The following UNC79 variants were observed in gnomAD, a reference collection of about 807,000 sequenced individuals.
UNC79 encodes the protein protein unc-79 homolog.
A neutral mutation model predicts 283.1 loss-of-function variants in UNC79; 37 were observed. That is an observed-to-expected ratio of 0.13 (90% CI 0.10 to 0.17). The LOEUF is 0.17. UNC79 is among the 10% of genes least tolerant of loss of function. UNC79 has a pLI of 1.00. For synonymous variants in UNC79, 1,107 were observed against 1,200.2 expected (o/e 0.92, Z 1.61); for missense variants, 2,272 against 3,211.1 (o/e 0.71, Z 7.07).
intron 9 of UNC79, 140 bp downstream of exon 9, chr14:93,528,786 T>A: frequency 1.3e-6 from 1 of 784,268 alleles, no homozygotes; most frequent in Non-Finnish European, 2.0e-6. Context: ...TTCTGATACT[T>A]AACATATAGC....
chr14:93,692,063 G>A (rs1288922791), intron 46 of UNC79, 117 bp downstream of exon 49: 7 of 1,208,388 alleles, frequency 5.8e-6, no homozygotes, highest in East Asian at 4.8e-5. Flanking sequence ...TAAATGGATC[G>A]GGGATATGTT....
chr14:93,358,355 A>T (rs1192049423), intron 1 of UNC79, among the ~76,000 whole-genome samples: 1 of 152,190 alleles, frequency 6.6e-6, no homozygotes, highest in East Asian at 1.9e-4. Flanking sequence ...GATGAAAGAA[A>T]ATGATGAACT....
At chr14:93,479,455 G>A (rs771959536) in intron 4 of UNC79, among the ~76,000 whole-genome samples, 7 of 151,836 alleles carry the variant, frequency 4.6e-5, no homozygotes, top group African/African-American at 1.5e-4. Flanking sequence ...CAGCCACCAC[G>A]CCCAGCTAAT....
At chr14:93,657,731 TGCCAGCTGTAAACAAGTGGC>T (rs2071110722) in intron 38 of UNC79, among the ~76,000 whole-genome samples, 1 of 152,160 alleles carries the variant, frequency 6.6e-6, no homozygotes. Flanking sequence ...TGGCAAGTGT[TGCCAGCTGTAAACAAGTGGC>T]GTGCCTAATT....
exon 12 of UNC79, chr14:93,538,189 G>T: frequency 1.9e-6 from 3 of 1,606,752 alleles, no homozygotes; most frequent in East Asian, 2.2e-5. Context: ...GCGCTGAGGA[G>T]CTGGTCTGCG....
intron 2 of UNC79, among the ~76,000 whole-genome samples, chr14:93,468,757 T>C (rs998694459): frequency 6.6e-6 from 1 of 152,242 alleles, no homozygotes; most frequent in Admixed American, 6.5e-5. Flanking sequence ...TCTGTTCTTA[T>C]TTTTTGAAAT....
intron 1 of UNC79, among the ~76,000 whole-genome samples, chr14:93,463,348 A>T (rs1012855450): frequency 1.3e-5 from 2 of 152,126 alleles, no homozygotes; most frequent in Non-Finnish European, 2.9e-5. Flanking sequence ...AGTGAGTGGA[A>T]GGAGGAATAG....
chr14:93,506,217 G>A (rs2059531568), intron 7 of UNC79, among the ~76,000 whole-genome samples: 1 of 150,132 alleles, frequency 6.7e-6, no homozygotes, highest in African/African-American at 2.5e-5. Context: ...TTTTCTCATT[G>A]TATACAATTT....
chr14:93,522,446 A>G (rs1461487905), intron 7 of UNC79, among the ~76,000 whole-genome samples: 1 of 152,082 alleles, frequency 6.6e-6, no homozygotes, highest in Non-Finnish European at 1.5e-5. Flanking sequence ...GTAATGGATT[A>G]GTGATGTCTG....
At chr14:93,426,723 TATA>T (rs539673500), upstream of UNC79, among the ~76,000 whole-genome samples, 719 of 152,166 alleles carry the variant, frequency 4.7e-3, 2 homozygotes, top group Middle Eastern at 0.01. Flanking sequence ...TTTTTAAAAA[TATA>T]GTCTCAATTT....
intron 1 of UNC79, among the ~76,000 whole-genome samples, chr14:93,393,218 C>G (rs1055406801): frequency 1.3e-5 from 2 of 152,186 alleles, no homozygotes; most frequent in African/African-American, 4.8e-5. Context: ...CTAATTGCTG[C>G]TCAAAGATCC....
intron 1 of UNC79, among the ~76,000 whole-genome samples, chr14:93,466,183 A>G (rs2057171083): frequency 6.6e-6 from 1 of 152,214 alleles, no homozygotes; most frequent in African/African-American, 2.4e-5. Flanking sequence ...ATTATCTGCA[A>G]TCTAGACTTA....
rs1162061134 is a variant in UNC79 at position 93,540,813 on chromosome 14, A to G, written c.1506A>G (p.Gln502=). 5 of 1,613,022 alleles carry G rather than the reference A, an allele frequency of 3.1e-6. No individual in the cohort carries two copies. The South Asian group carries it at 4.4e-5, about 14-fold the overall frequency. The change falls in exon 13 of 49, where the codon CAA becomes CAG. Residue 502 remains glutamine (Q), a synonymous_variant. Coordinates refer to ENST00000555664, the Ensembl canonical transcript of UNC79. Reference sequence around the variant, plus strand: ...AACACGATCAGAGGCTGCTCAGTCAATTCGGAATATGGTTCTTAGTAAGAA... The same window carrying G: ...AACACGATCAGAGGCTGCTCAGTCAGTTCGGAATATGGTTCTTAGTAAGAA...
At chr14:93,581,785 C>T (rs1319042727) in intron 19 of UNC79, among the ~76,000 whole-genome samples, 2 of 152,126 alleles carry the variant, frequency 1.3e-5, no homozygotes, top group Admixed American at 1.3e-4. Context: ...AGCCACCATG[C>T]CCGGCCATTT....
exon 19 of UNC79, chr14:93,580,272 G>C: frequency 6.2e-7 from 1 of 1,614,162 alleles, no homozygotes; most frequent in Non-Finnish European, 8.5e-7. Flanking sequence ...CCAGAAGGAC[G>C]AAAAAGCAAT....
At position 93,629,584 on chromosome 14, in the gene UNC79, A is replaced by T. The variant is rs138244188; in HGVS notation, c.5609-1217A>T. On this transcript the variant is annotated intron_variant, in intron 30 of 48. Transcript: ENST00000555664. The stretch of plus-strand genomic sequence containing the variant: ...CCTACTTGAAAGGCCTCTGAGAATC[A>T]AAAATAGATGCTTCGAAATCAGTGC... 9.8e-5 allele frequency among the ~76,000 whole-genome samples: 15 copies of T among 152,342 alleles called. No homozygotes were observed. The East Asian group carries it at 2.1e-3, about 22-fold the overall frequency.
intron 38 of UNC79, among the ~76,000 whole-genome samples, chr14:93,655,652 A>C (rs905308269): frequency 4.4e-4 from 64 of 146,580 alleles, no homozygotes; most frequent in African/African-American, 1.8e-3. Context: ...TTGAAAAAAA[A>C]AAAAAAAAAC....
At chr14:93,701,409 C>G (rs911932058) in intron 47 of UNC79, among the ~76,000 whole-genome samples, 1 of 152,124 alleles carries the variant, frequency 6.6e-6, no homozygotes, top group African/African-American at 2.4e-5. Flanking sequence ...TGAGTACAGT[C>G]CAACCAGGCA....
chr14:93,587,216 T>C (rs2064285598), intron 22 of UNC79, among the ~76,000 whole-genome samples: 1 of 152,176 alleles, frequency 6.6e-6, no homozygotes, highest in Non-Finnish European at 1.5e-5. Flanking sequence ...AAAAAATACG[T>C]TAATATTTAC....
Sources: allele counts gnomAD v4.1 joint callset (sites outside exome capture counted in the v4.1 genomes callset), GRCh38; gene constraint gnomAD v4.1.1; transcripts MANE v1.5; gene names NCBI Gene and HGNC (gene_info 2026-07-23, HGNC 2026-07-21).